The following LAG3 variants were observed in gnomAD, a reference collection of about 807,000 sequenced individuals.
LAG3 encodes lymphocyte activation gene 3 protein.
In LAG3, 29 loss-of-function variants were observed where a neutral mutation model predicts 49.0. The ratio of observed to expected loss-of-function variants is 0.59; its 90% CI spans 0.44 to 0.81. The LOEUF (loss-of-function observed/expected upper bound fraction) is 0.81. LAG3 is among the 30% of genes least tolerant of loss of function. The probability of loss-of-function intolerance (pLI) is 0.00; values close to 1 mark genes in which losing one functional copy is unlikely to be tolerated. For synonymous variants in LAG3, 320 were observed against 297.3 expected (o/e 1.08, Z -0.79); for missense variants, 693 against 695.2 (o/e 1.00, Z 0.04).
At chr12:6,777,182 T>C in intron 5 of LAG3, 82 bp from the exon 6 acceptor site, 1 of 1,541,940 alleles carries the variant, frequency 6.5e-7, no homozygotes, top group Non-Finnish European at 8.9e-7. Context: ...GAGTGCAGGG[T>C]GATTGAGACT....
At position 6,778,292 on chromosome 12, in the gene LAG3, C is replaced by A. The variant is rs1941930614; in HGVS notation, c.1480C>A (p.Gln494Lys). ...CTTAGAGCAAGGGATTCACCCTCCGCAGGCTCAGAGCAAGATAGAGGAGCT... is the reference window on the plus strand; with the variant it reads ...CTTAGAGCAAGGGATTCACCCTCCGAAGGCTCAGAGCAAGATAGAGGAGCT... Reference protein sequence around the residue: ...SALEQGIHPPQAQSKIEELEQ... With the variant: ...SALEQGIHPPKAQSKIEELEQ... The change falls in exon 8 of 8, where the codon CAG (glutamine) becomes AAG (lysine). Residue 494 changes from glutamine (Q) to lysine (K), a missense_variant. Transcript: ENST00000203629. 3 of 1,613,496 alleles carry A rather than the reference C, an allele frequency of 1.9e-6. No individual in the cohort carries two copies. The South Asian group carries it at 3.3e-5, about 18-fold the overall frequency.
Position 6,773,222 on chromosome 12 carries a change from C to G in LAG3, c.89C>G (p.Pro30Arg), listed in dbSNP as rs369567695. The G allele has an allele frequency of 3.7e-5, 60 of 1,612,232 alleles. No individual in the cohort carries two copies. The highest frequency in any genetic ancestry group is 6.8e-6 in the Non-Finnish European group (8 of 1,179,412). The change falls in exon 2 of 8, where the codon CCG becomes CGG. Residue 30 changes from proline to arginine, a missense_variant. Transcript: ENST00000203629. This position sits in a 1 kb window ranked among gnomAD's most constrained non-coding sequence, Gnocchi z 5.5. The stretch of plus-strand genomic sequence containing the variant: ...CCTCTCCAGCCAGGGGCTGAGGTCC[C>G]GGTGGTGTGGGCCCAGGAGGGGGCT... ...VKPLQPGAEV[P>R]VVWAQEGAPA... is the part of the protein sequence containing the mutation.
chr12:6,773,166 C>A lies in LAG3; in HGVS notation c.59-26C>A, dbSNP rs375548283. 1.3e-6 allele frequency: 2 copies of A among 1,598,648 alleles called. No homozygotes were observed. Among genetic ancestry groups the A allele is most frequent in the Non-Finnish European group, 1.7e-6 (2 of 1,173,812 alleles). On this transcript the variant is annotated intron_variant, in intron 1 of 7. Coordinates refer to ENST00000203629, the MANE Select transcript of LAG3 (RefSeq NM_002286.6). The surrounding 1 kb of genome is among the most constrained non-coding windows in gnomAD (Gnocchi z 5.5). Reference sequence around the variant, plus strand: ...CTGCCTCTCGGCTCACGCCCCCTCCCCTTGGCCTCTCTTTTGCTCACCTAG... The same window carrying A: ...CTGCCTCTCGGCTCACGCCCCCTCCACTTGGCCTCTCTTTTGCTCACCTAG...
rs1592496312 is a variant in LAG3 at position 6,774,818 on chromosome 12, C to T, written c.735C>T (p.Tyr245=). 3.1e-6 allele frequency: 5 copies of T among 1,614,140 alleles called. No homozygotes were observed. In the South Asian group the frequency reaches 3.3e-5, roughly 11 times the overall value. ...DSGPWGCILT[Y]RDGFNVSIMY... is the part of the protein sequence containing the mutation. ...GGCCCTGGGGCTGCATCCTCACCTA[C>T]AGAGATGGCTTCAACGTCTCCATCA... is the stretch of plus-strand genomic sequence containing the variant. The change falls in exon 4 of 8, where the codon TAC becomes TAT. Residue 245 remains tyrosine (Y), a synonymous_variant. Transcript: ENST00000203629.
At chr12:6,777,995 C>A in intron 7 of LAG3, 74 bp downstream of exon 7, 1 of 1,603,086 alleles carries the variant, frequency 6.2e-7, no homozygotes, top group East Asian at 2.2e-5. Context: ...GATGGCACCC[C>A]TTCCTCAGGA....
chr12:6,777,044 C>G (rs1356544228), intron 5 of LAG3, among the ~76,000 whole-genome samples: 2 of 152,090 alleles, frequency 1.3e-5, no homozygotes, highest in Non-Finnish European at 2.9e-5. Flanking sequence ...GAATTCCAGA[C>G]TAGCCTGGGC....
chr12:6,773,388 C>T lies in LAG3; in HGVS notation c.206+49C>T, dbSNP rs1941865385. ...CAGGACCTCCGAATCCAGCACTCAACCCCACACCCGTGCCGGTCCTCTGTC... is the reference window on the plus strand; with the variant it reads ...CAGGACCTCCGAATCCAGCACTCAATCCCACACCCGTGCCGGTCCTCTGTC... On this transcript the variant is annotated intron_variant, in intron 2 of 7. Transcript: ENST00000203629. This position sits in a 1 kb window ranked among gnomAD's most constrained non-coding sequence, Gnocchi z 5.5. 1 of 1,603,714 alleles carries T rather than the reference C, an allele frequency of 6.2e-7. No individual in the cohort carries two copies. The highest frequency in any genetic ancestry group is 8.5e-7 in the Non-Finnish European group (1 of 1,175,604).
Position 6,777,938 on chromosome 12 carries a change from G to T in LAG3, c.1431+17G>T. The T allele has an allele frequency of 1.2e-6, 2 of 1,612,088 alleles. No homozygotes were observed. The highest frequency in any genetic ancestry group is 2.7e-5 in the African/African-American group (2 of 74,866). Reference sequence around the variant, plus strand: ...AGAAGACAGGTGAGCCAGGGACATGGCAACCCCGCCCCCCAGCAGCTCCCG... The same window carrying T: ...AGAAGACAGGTGAGCCAGGGACATGTCAACCCCGCCCCCCAGCAGCTCCCG... On this transcript the variant is annotated intron_variant, in intron 7 of 7. Transcript: ENST00000203629.
In LAG3 at chr12:6,773,803, G is replaced by C; in HGVS notation, c.313G>C (p.Gly105Arg). 7.2e-7 allele frequency: 1 copy of C among 1,396,186 alleles called. No homozygotes were observed. Among genetic ancestry groups the C allele is most frequent in the Non-Finnish European group, 9.3e-7 (1 of 1,080,744 alleles). 86.5% of individuals were successfully genotyped at this position (1,396,186 alleles called of 1,614,324 possible). ...RPRRYTVLSV[G>R]PGGLRSGRLP... ...CCGCCGCTACACGGTGCTGAGCGTGGGTCCCGGAGGCCTGCGCAGCGGGAG... is the reference window on the plus strand; with the variant it reads ...CCGCCGCTACACGGTGCTGAGCGTGCGTCCCGGAGGCCTGCGCAGCGGGAG... Residue 105 changes from glycine to arginine, a missense_variant, in exon 3 of 8, where the codon GGT becomes CGT. Coordinates refer to ENST00000203629, the MANE Select transcript of LAG3 (RefSeq NM_002286.6). This position sits in a 1 kb window ranked among gnomAD's most constrained non-coding sequence, Gnocchi z 5.5.
At chr12:6,778,053 C>T in intron 7 of LAG3, 132 bp downstream of exon 7, 1 of 1,408,974 alleles carries the variant, frequency 7.1e-7, no homozygotes. Flanking sequence ...CCCCCTTCTT[C>T]ATAAGCCTCT....
Position 6,773,706 on chromosome 12 carries a change from C to T in LAG3, c.216C>T (p.Pro72=), listed in dbSNP as rs1448938284. ...TWQHQPDSGP[P]AAAPGHPLAP... is the part of the protein sequence containing the mutation. ...TCTCTTTCCCGCCCAGTGGCCCGCC[C>T]GCTGCCGCCCCCGGCCATCCCCTGG... Residue 72 remains proline, a synonymous_variant, in exon 3 of 8, where the codon CCC becomes CCT. Transcript: ENST00000203629. The surrounding 1 kb of genome is among the most constrained non-coding windows in gnomAD (Gnocchi z 5.5). 3.0e-6 allele frequency: 4 copies of T among 1,353,748 alleles called. No homozygotes were observed. The highest frequency in any genetic ancestry group is 2.9e-5 in the East Asian group (1 of 34,328). 83.9% of individuals were successfully genotyped at this position (1,353,748 alleles called of 1,614,324 possible).
Position 6,773,262 on chromosome 12 carries a change from C to G in LAG3, c.129C>G (p.Pro43=). ...WAQEGAPAQL[P]CSPTIPLQDL... The stretch of plus-strand genomic sequence containing the variant: ...AGGAGGGGGCTCCTGCCCAGCTCCC[C>G]TGCAGCCCCACAATCCCCCTCCAGG... The change falls in exon 2 of 8, where the codon CCC becomes CCG. Residue 43 remains proline (P), a synonymous_variant. Coordinates refer to ENST00000203629, the MANE Select transcript of LAG3 (RefSeq NM_002286.6). This position sits in a 1 kb window ranked among gnomAD's most constrained non-coding sequence, Gnocchi z 5.5. 6.2e-7 allele frequency: 1 copy of G among 1,613,566 alleles called. No individual in the cohort carries two copies. The highest frequency in any genetic ancestry group is 1.7e-5 in the Admixed American group (1 of 59,822).
chr12:6,772,799 T>A lies in LAG3; in HGVS notation c.-54T>A. 2 of 700,924 alleles carry A rather than the reference T, an allele frequency of 2.9e-6. No homozygotes were observed. Among genetic ancestry groups the A allele is most frequent in the Non-Finnish European group, 4.8e-6 (2 of 419,134 alleles). 43.4% of individuals were successfully genotyped at this position (700,924 alleles called of 1,614,324 possible). On this transcript the variant is annotated 5_prime_UTR_variant, in exon 1 of 8. Transcript: ENST00000203629. The stretch of plus-strand genomic sequence containing the variant: ...CCCCCACCCCCCACCACTGCCCCCT[T>A]TCCTTTTCTGACCTCCTTTTGGAGG...
At chr12:6,774,401 T>A (rs2137807306) in intron 3 of LAG3, among the ~76,000 whole-genome samples, 194 bp from the exon 4 acceptor site, 1 of 152,168 alleles carries the variant, frequency 6.6e-6, no homozygotes, top group East Asian at 1.9e-4. Flanking sequence ...GGGAAAGTGG[T>A]CCTGGGGAGT....
rs1941861500 is a variant in LAG3 at position 6,773,083 on chromosome 12, C to G, written c.59-109C>G. On this transcript the variant is annotated intron_variant, in intron 1 of 7. Transcript: ENST00000203629. The surrounding 1 kb of genome is among the most constrained non-coding windows in gnomAD (Gnocchi z 5.5). ...TCTGGGCAGAGAAGAAACAGAAACC[C>G]AAGTTCTTCCTGCACCCTGTTTCTC... 2 of 1,442,648 alleles carry G rather than the reference C, an allele frequency of 1.4e-6. No homozygotes were observed. Among genetic ancestry groups the G allele is most frequent in the African/African-American group, 1.4e-5 (1 of 70,220 alleles). The allele number at this position is 1,442,648 out of a possible 1,614,324, so 89.4% of individuals were successfully genotyped here. A position where few individuals can be genotyped will look rare whatever the true frequency, so the allele number is the denominator to read the frequency against.
chr12:6,778,109 G>C, intron 7 of LAG3, 135 bp from the exon 8 acceptor site: 1 of 1,308,504 alleles, frequency 7.6e-7, no homozygotes, highest in Non-Finnish European at 1.1e-6. Flanking sequence ...AGGGGGGTTG[G>C]GAGAAAGCCA....
intron 4 of LAG3, 54 bp from the exon 5 acceptor site, chr12:6,775,219 C>T (rs1941892696): frequency 6.4e-7 from 1 of 1,564,946 alleles, no homozygotes; most frequent in Non-Finnish European, 8.7e-7. Flanking sequence ...AGCCCCAGCA[C>T]TCCCTCCCCA....
At position 6,772,564 on chromosome 12, in the gene LAG3, C is replaced by A; in HGVS notation, c.-289C>A. ...TCCCAGCCACGACGGCCACTTTGCT[C>A]TGTCTGCTCTCCGCCACGGCCCTGC... On this transcript the variant is annotated 5_prime_UTR_variant, in exon 1 of 8. It adds an upstream start codon to the 5' untranslated region. Transcript: ENST00000203629. 2.7e-6 allele frequency: 1 copy of A among 374,814 alleles called. No individual in the cohort carries two copies. The highest frequency in any genetic ancestry group is 4.4e-5 in the Admixed American group (1 of 22,528). 23.2% of individuals were successfully genotyped at this position (374,814 alleles called of 1,614,324 possible).
rs1565482955 is a variant in LAG3 at position 6,778,290 on chromosome 12, C to T, written c.1478C>T (p.Pro493Leu). Reference protein sequence around the residue: ...FSALEQGIHPPQAQSKIEELE... With the variant: ...FSALEQGIHPLQAQSKIEELE... The stretch of plus-strand genomic sequence containing the variant: ...GCCTTAGAGCAAGGGATTCACCCTC[C>T]GCAGGCTCAGAGCAAGATAGAGGAG... Residue 493 changes from proline (P) to leucine (L), a missense_variant, in exon 8 of 8, where the codon CCG (proline) becomes CTG (leucine). Coordinates refer to ENST00000203629, the MANE Select transcript of LAG3 (RefSeq NM_002286.6). 1 of 1,613,216 alleles carries T rather than the reference C, an allele frequency of 6.2e-7. No individual in the cohort carries two copies. The highest frequency in any genetic ancestry group is 1.1e-5 in the South Asian group (1 of 91,030).
Sources: gnomAD v4.1 joint callset for allele counts (sites outside exome capture counted in the v4.1 genomes callset) on GRCh38, gnomAD v4.1.1 for gene constraint, Gnocchi (gnomAD v3.1) non-coding constraint, MANE v1.5 for transcripts, NCBI Gene and HGNC (gene_info 2026-07-23, HGNC 2026-07-21) for gene names.